GRIK1: variants seen among roughly 807,000 people sequenced by gnomAD.
GRIK1 encodes glutamate receptor ionotropic, kainate 1.
Under a neutral mutation model 105.7 loss-of-function variants are expected in GRIK1, and 69 were observed. The ratio of observed to expected loss-of-function variants is 0.65; its 90% CI spans 0.54 to 0.80. GRIK1 has a LOEUF of 0.80. Among genes scored for constraint, GRIK1 ranks in the 30% least tolerant of loss-of-function variants. GRIK1 has a pLI of 0.00. For missense variants in GRIK1, 1,109 were observed against 1,167.3 expected (o/e 0.95, Z 0.73); for synonymous variants, 438 against 431.3 (o/e 1.02, Z -0.19).
intron 1 of GRIK1, among the ~76,000 whole-genome samples, chr21:29,763,270 A>G (rs540282403): frequency 6.6e-6 from 1 of 152,172 alleles, no homozygotes; most frequent in African/African-American, 2.4e-5. Flanking sequence ...TCCCCTGTGA[A>G]GAAGATGCCT....
intron 1 of GRIK1, among the ~76,000 whole-genome samples, chr21:29,798,003 C>T (rs1033389773): frequency 1.3e-5 from 2 of 152,134 alleles, no homozygotes; most frequent in Non-Finnish European, 2.9e-5. Context: ...ATGTTTTCTT[C>T]TTTTGTTTTG....
intron 15 of GRIK1, among the ~76,000 whole-genome samples, chr21:29,556,679 GCTCT>G (rs1055678964): frequency 6.6e-6 from 1 of 152,030 alleles, no homozygotes; most frequent in Non-Finnish European, 1.5e-5. Context: ...ATGATCTTTG[GCTCT>G]CTCTCTTTTT....
At chr21:29,839,044 C>CTTT in intron 1 of GRIK1, among the ~76,000 whole-genome samples, 1 of 151,626 alleles carries the variant, frequency 6.6e-6, no homozygotes, top group East Asian at 1.9e-4. Context: ...ATAGGGATTT[C>CTTT]TTTTCTTTTC....
chr21:29,581,126 C>T (rs1346112605), intron 13 of GRIK1, among the ~76,000 whole-genome samples: 5 of 152,228 alleles, frequency 3.3e-5, no homozygotes, highest in Admixed American at 6.5e-5. Flanking sequence ...AGAAGACCAA[C>T]ATCTCCATCT....
intron 1 of GRIK1, among the ~76,000 whole-genome samples, chr21:29,779,038 G>A (rs1318088894): frequency 1.3e-5 from 2 of 152,096 alleles, no homozygotes; most frequent in East Asian, 3.8e-4. Context: ...TTCCTATTTG[G>A]TCTGAGTACA....
intron 1 of GRIK1, among the ~76,000 whole-genome samples, chr21:29,783,047 A>C (rs1312295705): frequency 6.6e-6 from 1 of 152,180 alleles, no homozygotes; most frequent in Non-Finnish European, 1.5e-5. Flanking sequence ...CCCCCAACAC[A>C]ACACATTAAA....
intron 1 of GRIK1, among the ~76,000 whole-genome samples, chr21:29,867,523 G>A (rs990839948): frequency 5.3e-5 from 8 of 151,926 alleles, no homozygotes; most frequent in African/African-American, 1.7e-4. Context: ...GGCCAGGCAC[G>A]GTGGCTCATG....
At chr21:29,558,623 A>G (rs1016585521) in intron 15 of GRIK1, among the ~76,000 whole-genome samples, 2 of 151,624 alleles carry the variant, frequency 1.3e-5, no homozygotes, top group African/African-American at 4.8e-5. Context: ...GAAGTGGGGA[A>G]GGCTTTTCAA....
chr21:29,539,860 T>C (rs1348901797), intron 16 of GRIK1, among the ~76,000 whole-genome samples: 1 of 152,198 alleles, frequency 6.6e-6, no homozygotes, highest in East Asian at 1.9e-4. Context: ...AGAGCTTGCA[T>C]TTGAACTCAG....
chr21:29,560,388 C>CTTTCTTT lies in GRIK1; in HGVS notation c.2356+1235_2356+1236insAAAGAAA, dbSNP rs1568813959. On this transcript the variant is annotated intron_variant, in intron 15 of 17. Transcript: ENST00000327783. ...TTCTTCCTTCCTTCCTTCCTTCCTT[C>CTTTCTTT]CTTCCTTCCTTCCTTTCTTTCTTTC... Among the ~76,000 whole-genome samples, 177 of 43,624 alleles carry CTTTCTTT rather than the reference C, an allele frequency of 4.1e-3. 17 individuals carry two copies. Among genetic ancestry groups the CTTTCTTT allele is most frequent in the Admixed American group, 0.026 (106 of 4,134 alleles). The allele number at this position is 43,624 out of a possible 152,430, so 28.6% of individuals were successfully genotyped here.
At chr21:29,905,335 A>C (rs958725776) in intron 1 of GRIK1, among the ~76,000 whole-genome samples, 1 of 152,190 alleles carries the variant, frequency 6.6e-6, no homozygotes, top group African/African-American at 2.4e-5. Context: ...GGAAGGAGGA[A>C]GGCTGGGTCC....
At chr21:29,652,304 G>A (rs1036247155) in intron 5 of GRIK1, among the ~76,000 whole-genome samples, 1 of 152,098 alleles carries the variant, frequency 6.6e-6, no homozygotes, top group African/African-American at 2.4e-5. Context: ...TTTGAAAACT[G>A]CATATGCATT....
At position 29,737,388 on chromosome 21, in the gene GRIK1, C is replaced by T. The variant is rs186320171; in HGVS notation, c.119-43325G>A. Among the ~76,000 whole-genome samples, 342 of 152,258 alleles carry T rather than the reference C, an allele frequency of 2.2e-3. 10 individuals carry two copies. The highest frequency in any genetic ancestry group is 4.7e-4 in the Non-Finnish European group (32 of 68,026). Reference sequence around the variant, plus strand: ...TTGCATTTCTGCTTACAAAGCTGAACATTCAGCCAAAATATTGGAAAGGAA... The same window carrying T: ...TTGCATTTCTGCTTACAAAGCTGAATATTCAGCCAAAATATTGGAAAGGAA... On this transcript the variant is annotated intron_variant, in intron 1 of 17. Coordinates refer to ENST00000327783, the MANE Select transcript of GRIK1 (RefSeq NM_001330994.2).
intron 1 of GRIK1, among the ~76,000 whole-genome samples, chr21:29,808,275 G>C (rs529533133): frequency 4.4e-4 from 67 of 152,250 alleles, no homozygotes; most frequent in African/African-American, 1.4e-3. Context: ...AGGCACAAGA[G>C]CAGGACTCAT....
In GRIK1 at chr21:29,914,875, C is replaced by T. The variant is rs762810220; in HGVS notation, c.118+24508G>A. Among the ~76,000 whole-genome samples, 11 of 152,108 alleles carry T rather than the reference C, an allele frequency of 7.2e-5. No homozygotes were observed. In the East Asian group the frequency reaches 7.7e-4, roughly 11 times the overall value. ...ATTGAGATCAGGGTGTTCTTTGTTA[C>T]GGGAGCATTATTAAACCACACTGAC... On this transcript the variant is annotated intron_variant, in intron 1 of 17. Transcript: ENST00000327783.
At chr21:29,868,275 C>T (rs2068895196) in intron 1 of GRIK1, among the ~76,000 whole-genome samples, 1 of 152,184 alleles carries the variant, frequency 6.6e-6, no homozygotes, top group African/African-American at 2.4e-5. Context: ...ATGATGACAA[C>T]TGTATACCAG....
intron 1 of GRIK1, among the ~76,000 whole-genome samples, chr21:29,874,251 C>A (rs1230163756): frequency 6.6e-6 from 1 of 152,110 alleles, no homozygotes; most frequent in Non-Finnish European, 1.5e-5. Context: ...TTAAATGTTA[C>A]CCGAGCCCTG....
At chr21:29,686,748 TC>T (rs139426148) in intron 3 of GRIK1, among the ~76,000 whole-genome samples, 4 of 152,058 alleles carry the variant, frequency 2.6e-5, no homozygotes, top group Non-Finnish European at 5.9e-5. Context: ...AGTTTGCTGA[TC>T]CCTGCTCTCC....
chr21:29,594,799 G>C (rs1367017242), intron 9 of GRIK1, among the ~76,000 whole-genome samples: 1 of 152,158 alleles, frequency 6.6e-6, no homozygotes, highest in Admixed American at 6.5e-5. Context: ...AAAGATAAAG[G>C]TATATGTGTT....
Sources: gnomAD v4.1 joint callset for allele counts (sites outside exome capture counted in the v4.1 genomes callset) on GRCh38, gnomAD v4.1.1 for gene constraint, MANE v1.5 for transcripts, NCBI Gene and HGNC (gene_info 2026-07-23, HGNC 2026-07-21) for gene names.